TBXAS1: variants seen among roughly 807,000 people sequenced by gnomAD.
The protein encoded by TBXAS1 is thromboxane-A synthase.
Under a neutral mutation model 60.7 loss-of-function variants are expected in TBXAS1, and 48 were observed. That is an observed-to-expected ratio of 0.79 (90% CI 0.63 to 1.01). The LOEUF (loss-of-function observed/expected upper bound fraction) is 1.01, where lower values mean the gene tolerates loss of function less well. Among genes scored for constraint, TBXAS1 ranks in the 50% least tolerant of loss-of-function variants. The probability of loss-of-function intolerance (pLI) is 0.00; values close to 1 mark genes in which losing one functional copy is unlikely to be tolerated. For synonymous variants in TBXAS1, 287 were observed against 269.7 expected, an observed-to-expected ratio of 1.06 and a Z score of -0.63; for missense variants, 685 against 686.3, an observed-to-expected ratio of 1.00 and a Z score of 0.02.
At chr7:139,829,054 T>A, upstream of TBXAS1, 1 of 409,806 alleles carries the variant, frequency 2.4e-6, no homozygotes, top group Non-Finnish European at 4.7e-6. Flanking sequence ...AGAGTACAAG[T>A]CCGTGGTTAC....
chr7:139,884,220 A>G (rs1161903485), intron 3 of TBXAS1, among the ~76,000 whole-genome samples: 1 of 152,270 alleles, frequency 6.6e-6, no homozygotes, highest in Non-Finnish European at 1.5e-5. Flanking sequence ...CTGTGGGCCC[A>G]GGCTGGGCAC....
intron 3 of TBXAS1, among the ~76,000 whole-genome samples, chr7:139,891,760 C>A (rs1374145746): frequency 6.6e-6 from 1 of 152,310 alleles, no homozygotes; most frequent in Non-Finnish European, 1.5e-5. Flanking sequence ...ACAGAAGAAT[C>A]ATCTCTAAGT....
chr7:139,781,837 CAAAAAAAA>C (rs200999267), intron 2 of TBXAS1, among the ~76,000 whole-genome samples: 4 of 67,312 alleles, frequency 5.9e-5, no homozygotes, highest in African/African-American at 1.9e-4. Context: ...AATTCCATCT[CAAAAAAAA>C]AAAAAAAAAA....
At chr7:139,909,321 AG>A (rs901727619) in intron 3 of TBXAS1, among the ~76,000 whole-genome samples, 1 of 152,190 alleles carries the variant, frequency 6.6e-6, no homozygotes, top group African/African-American at 2.4e-5. Context: ...GAGAGATCCA[AG>A]GACTTCTCAA....
intron 4 of TBXAS1, among the ~76,000 whole-genome samples, chr7:139,923,845 T>A (rs1806681135): frequency 6.6e-6 from 1 of 152,172 alleles, no homozygotes; most frequent in Admixed American, 6.5e-5. Flanking sequence ...TCTCCATGAG[T>A]TCAATTGTTT....
chr7:140,012,579 C>T (rs1186275148), intron 10 of TBXAS1, among the ~76,000 whole-genome samples: 2 of 152,088 alleles, frequency 1.3e-5, no homozygotes, highest in Non-Finnish European at 2.9e-5. Context: ...GTGCCTCAGC[C>T]TCCTGAGTAG....
At position 139,880,869 on chromosome 7, in the gene TBXAS1, G is replaced by A. The variant is rs1008115304; in HGVS notation, c.236+5232G>A. 2.8e-4 allele frequency among the ~76,000 whole-genome samples: 43 copies of A among 151,998 alleles called. 1 individual carries two copies. The highest frequency in any genetic ancestry group is 4.4e-5 in the Non-Finnish European group (3 of 67,980). ...AAAGATGGTCTATGTTTTTAATTTC[G>A]ATAAATATGACTAAATTTCTCTTTC... On this transcript the variant is annotated intron_variant, in intron 3 of 12. Coordinates refer to ENST00000448866, the MANE Select transcript of TBXAS1 (RefSeq NM_001061.7).
At chr7:139,840,977 C>T (rs781111450) in intron 1 of TBXAS1, among the ~76,000 whole-genome samples, 4 of 152,164 alleles carry the variant, frequency 2.6e-5, no homozygotes, top group Non-Finnish European at 5.9e-5. Flanking sequence ...CCCACTGGCG[C>T]TCTTGCATGG....
chr7:139,941,298 G>T (rs560220523), intron 5 of TBXAS1, among the ~76,000 whole-genome samples: 1 of 152,260 alleles, frequency 6.6e-6, no homozygotes, highest in African/African-American at 2.4e-5. Context: ...CTTTAAGTAT[G>T]GTCAATATTC....
intron 4 of TBXAS1, among the ~76,000 whole-genome samples, chr7:139,929,301 G>A (rs1381014417): frequency 6.6e-6 from 1 of 152,222 alleles, no homozygotes; most frequent in East Asian, 1.9e-4. Context: ...TATCCCTGAC[G>A]CACGTGGCCC....
chr7:139,982,661 T>C (rs1044487695), intron 9 of TBXAS1, among the ~76,000 whole-genome samples: 2 of 152,180 alleles, frequency 1.3e-5, no homozygotes, highest in African/African-American at 4.8e-5. Context: ...CCTGTTCTAG[T>C]TGATTTCATT....
chr7:139,878,344 C>A (rs1175183340), intron 3 of TBXAS1, among the ~76,000 whole-genome samples: 7 of 152,088 alleles, frequency 4.6e-5, no homozygotes. Flanking sequence ...CACAATTTAT[C>A]CTTTTCATTT....
At chr7:140,011,387 TAGAGA>T (rs368269806) in intron 10 of TBXAS1, among the ~76,000 whole-genome samples, 5 of 109,580 alleles carry the variant, frequency 4.6e-5, no homozygotes, top group African/African-American at 1.3e-4. Flanking sequence ...TCCCATCCCC[TAGAGA>T]AGAGAAAGAT....
chr7:139,806,858 C>T (rs549637854), intron 4 of TBXAS1, among the ~76,000 whole-genome samples: 3 of 152,324 alleles, frequency 2.0e-5, no homozygotes, highest in South Asian at 2.1e-4. Flanking sequence ...AAGCTTTCAC[C>T]GCCATCCACA....
chr7:139,784,780 T>C (rs1797133405), intron 3 of TBXAS1, among the ~76,000 whole-genome samples: 1 of 152,118 alleles, frequency 6.6e-6, no homozygotes, highest in Non-Finnish European at 1.5e-5. Context: ...CTATGAGATA[T>C]TCAGATAGGG....
chr7:139,850,059 T>C (rs1800102616), intron 1 of TBXAS1, among the ~76,000 whole-genome samples: 2 of 152,236 alleles, frequency 1.3e-5, no homozygotes, highest in African/African-American at 4.8e-5. Context: ...TGGTGCTGGC[T>C]AGTGGCTGTC....
At chr7:139,878,994 A>G (rs1012316933) in intron 3 of TBXAS1, among the ~76,000 whole-genome samples, 2 of 152,184 alleles carry the variant, frequency 1.3e-5, no homozygotes, top group Non-Finnish European at 2.9e-5. Flanking sequence ...CGAGACTGGA[A>G]AGCCAACTAT....
intron 1 of TBXAS1, among the ~76,000 whole-genome samples, chr7:139,862,384 C>T (rs1013932115): frequency 2.0e-5 from 3 of 152,100 alleles, no homozygotes; most frequent in African/African-American, 4.8e-5. Context: ...CAAAATCCTA[C>T]TGAAGGATCA....
At position 140,007,099 on chromosome 7, in the gene TBXAS1, T is replaced by C. The variant is rs201680614; in HGVS notation, c.1143T>C (p.Pro381=). ...VDVFKEKHMA[P]EFCSLEEGLP... is the part of the protein sequence containing the mutation. ...CACGACCCCTCCATCAGATGGCCCC[T>C]GAGTTCTGCAGCCTCGAGGAAGGCC... The change falls in exon 10 of 13, where the codon CCT becomes CCC. Residue 381 remains proline (P), a synonymous_variant. Coordinates refer to ENST00000448866, the MANE Select transcript of TBXAS1 (RefSeq NM_001061.7). 216 of 1,614,160 alleles carry C rather than the reference T, an allele frequency of 1.3e-4. 1 individual carries two copies. The highest frequency in any genetic ancestry group is 5.1e-6 in the Non-Finnish European group (6 of 1,180,002).
Sources: allele counts gnomAD v4.1 joint callset (sites outside exome capture counted in the v4.1 genomes callset), GRCh38; gene constraint gnomAD v4.1.1; transcripts MANE v1.5; gene names NCBI Gene and HGNC (gene_info 2026-07-23, HGNC 2026-07-21).